PADI6: variants seen among roughly 807,000 people sequenced by gnomAD.
The protein encoded by PADI6 is inactive protein-arginine deiminase type-6.
PADI6 carries 66 observed loss-of-function variants against 78.2 expected under a neutral mutation model. The observed-to-expected ratio is 0.84, with a 90% CI of 0.69 to 1.04. The LOEUF (loss-of-function observed/expected upper bound fraction) is 1.04, where lower values mean the gene tolerates loss of function less well. Among genes scored for constraint, PADI6 ranks in the 50% least tolerant of loss-of-function variants. The pLI, the probability that PADI6 is intolerant of heterozygous loss-of-function variation, is 0.00. For synonymous variants in PADI6, 397 were observed against 346.9 expected (o/e 1.14, Z -1.60); for missense variants, 854 against 866.1 (o/e 0.99, Z 0.18).
In PADI6 at chr1:17,394,084, T is replaced by C. The variant is rs761218220; in HGVS notation, c.1182+2T>C. ...GAGTTCCCCATGAAGTACTCACTGG[T>C]GTGGAACTTGGTTTGGCTAATCTGA... On this transcript the variant is annotated splice_donor_variant, in intron 10 of 15. Coordinates refer to ENST00000619609, the MANE Select transcript of PADI6 (RefSeq NM_207421.4). LOFTEE classifies it high-confidence loss of function. The C allele has an allele frequency of 1.2e-6, 2 of 1,612,778 alleles. No individual in the cohort carries two copies. The highest frequency in any genetic ancestry group is 3.3e-5 in the Admixed American group (2 of 60,004).
At chr1:17,383,459 C>T (rs1422934001) in intron 6 of PADI6, among the ~76,000 whole-genome samples, 2 of 152,236 alleles carry the variant, frequency 1.3e-5, no homozygotes, top group Non-Finnish European at 2.9e-5. Flanking sequence ...TGGATTAGGC[C>T]AGGCAGGCCT....
intron 9 of PADI6, 135 bp from the exon 10 acceptor site, chr1:17,393,840 G>T: frequency 1.4e-6 from 1 of 722,128 alleles, no homozygotes; most frequent in Admixed American, 2.1e-5. Context: ...TCAAGAAGGG[G>T]TGATATCTGA....
intron 3 of PADI6, among the ~76,000 whole-genome samples, chr1:17,377,667 C>T (rs563517106): frequency 6.6e-6 from 1 of 152,316 alleles, no homozygotes; most frequent in South Asian, 2.1e-4. Context: ...CTTCTTACCC[C>T]ACAGCAGTCT....
rs750363604 is a variant in PADI6 at position 17,401,232 on chromosome 1, C to T, written c.1879C>T (p.Leu627=). Residue 627 remains leucine (L), a synonymous_variant, in exon 16 of 16, where the codon CTG becomes TTG. Transcript: ENST00000619609. ...LLRMIVMGKN[L]GIPKPFGPQI... ...GCGGATGATTGTGATGGGCAAGAAC[C>T]TGGGGATCCCCAAGCCTTTTGGGCC... The T allele has an allele frequency of 5.0e-6, 8 of 1,614,018 alleles. No homozygotes were observed. The East Asian group carries it at 1.8e-4, about 36-fold the overall frequency.
At chr1:17,384,644 C>G (rs902919978) in intron 6 of PADI6, among the ~76,000 whole-genome samples, 16 of 151,768 alleles carry the variant, frequency 1.1e-4, no homozygotes, top group Non-Finnish European at 1.6e-4. Context: ...GAGACTGAGG[C>G]GGGAGGATCA....
At chr1:17,377,314 G>A (rs879844604) in intron 3 of PADI6, among the ~76,000 whole-genome samples, 2 of 152,056 alleles carry the variant, frequency 1.3e-5, no homozygotes, top group Non-Finnish European at 2.9e-5. Context: ...ACACTTGAAC[G>A]CTTCAGGGAT....
intron 11 of PADI6, 54 bp from the exon 12 acceptor site, chr1:17,394,897 G>A: frequency 6.7e-7 from 1 of 1,495,602 alleles, no homozygotes; most frequent in Non-Finnish European, 8.9e-7. Context: ...AGTGGCGGGT[G>A]ACCAGCCCTG....
chr1:17,395,928 G>A (rs745813740), intron 13 of PADI6, among the ~76,000 whole-genome samples: 1 of 152,184 alleles, frequency 6.6e-6, no homozygotes, highest in Non-Finnish European at 1.5e-5. Flanking sequence ...CCCAAGTGGG[G>A]GGAAAACGGG....
chr1:17,374,952 T>C (rs2075001073), intron 2 of PADI6, among the ~76,000 whole-genome samples: 1 of 152,122 alleles, frequency 6.6e-6, no homozygotes, highest in African/African-American at 2.4e-5. Context: ...CCAACGCTGC[T>C]TCTTCACCTG....
intron 6 of PADI6, among the ~76,000 whole-genome samples, chr1:17,387,678 G>C (rs908863172): frequency 5.3e-5 from 8 of 152,172 alleles, no homozygotes; most frequent in Non-Finnish European, 1.0e-4. Flanking sequence ...CAGAATCCAG[G>C]AGGCAAAGCT....
intron 9 of PADI6, 127 bp from the exon 10 acceptor site, chr1:17,393,848 T>C: frequency 1.3e-6 from 1 of 763,038 alleles, no homozygotes; most frequent in Non-Finnish European, 2.3e-6. Flanking sequence ...GGGTGATATC[T>C]GAGCTGGGTG....
intron 8 of PADI6, among the ~76,000 whole-genome samples, chr1:17,391,702 C>T (rs187872047): frequency 6.6e-6 from 1 of 152,362 alleles, no homozygotes; most frequent in Admixed American, 6.5e-5. Flanking sequence ...ATAGTCCCAG[C>T]TACTGTGGGG....
intron 6 of PADI6, among the ~76,000 whole-genome samples, chr1:17,386,491 G>A (rs1401769847): frequency 6.6e-6 from 1 of 152,218 alleles, no homozygotes; most frequent in Non-Finnish European, 1.5e-5. Flanking sequence ...TAGGTGTGTG[G>A]CACCTCTTGG....
At chr1:17,395,255 G>A (rs956724817) in intron 12 of PADI6, 148 bp downstream of exon 12, 36 of 1,140,474 alleles carry the variant, frequency 3.2e-5, no homozygotes, top group Non-Finnish European at 4.1e-5. Flanking sequence ...CCAGGCTGGA[G>A]TGCAGTGGCG....
intron 13 of PADI6, 109 bp from the exon 14 acceptor site, chr1:17,396,962 A>T: frequency 1.0e-6 from 1 of 984,108 alleles, no homozygotes; most frequent in Non-Finnish European, 1.6e-6. Context: ...CGCCATGGTC[A>T]CTGGCCCAGG....
chr1:17,375,556 G>C, intron 3 of PADI6, 57 bp downstream of exon 3: 1 of 1,484,908 alleles, frequency 6.7e-7, no homozygotes, highest in Non-Finnish European at 9.2e-7. Context: ...GGTTGGGGAA[G>C]GGGTGGGATT....
At position 17,373,203 on chromosome 1, in the gene PADI6, A is replaced by G. The variant is rs763257471; in HGVS notation, c.264A>G (p.Thr88=). The change falls in exon 2 of 16, where the codon ACA becomes ACG. Residue 88 remains threonine (T), a synonymous_variant. Transcript: ENST00000619609. The part of the protein sequence containing the change: ...SDPTYATVKM[T]SPSPSVDADK... ...CCACGTACGCCACAGTGAAGATGAC[A>G]TCGCCCAGCCCTTCCGTGGATGCGG... The G allele has an allele frequency of 7.5e-5, 121 of 1,613,868 alleles. No individual in the cohort carries two copies. Among genetic ancestry groups the G allele is most frequent in the Non-Finnish European group, 9.9e-5 (117 of 1,179,878 alleles).
At chr1:17,376,157 T>C (rs1473110521) in intron 3 of PADI6, among the ~76,000 whole-genome samples, 1 of 151,094 alleles carries the variant, frequency 6.6e-6, no homozygotes, top group South Asian at 2.1e-4. Context: ...ATATTTTTAG[T>C]AGAGACAGGT....
chr1:17,384,012 T>A (rs1411136103), intron 6 of PADI6, among the ~76,000 whole-genome samples: 1 of 151,440 alleles, frequency 6.6e-6, no homozygotes, highest in Non-Finnish European at 1.5e-5. Context: ...TAGCTGGGCT[T>A]TGTGGCATAT....
Sources: allele counts gnomAD v4.1 joint callset (sites outside exome capture counted in the v4.1 genomes callset), GRCh38; gene constraint gnomAD v4.1.1; transcripts MANE v1.5; gene names NCBI Gene and HGNC (gene_info 2026-07-23, HGNC 2026-07-21).